The following ZC3H3 variants were observed in gnomAD, a reference collection of about 807,000 sequenced individuals.
The protein encoded by ZC3H3 is zinc finger CCCH domain-containing protein 3.
Under a neutral mutation model 77.3 loss-of-function variants are expected in ZC3H3, and 36 were observed. The ratio of observed to expected loss-of-function variants is 0.47; its 90% CI spans 0.36 to 0.61. The LOEUF (loss-of-function observed/expected upper bound fraction) is 0.61, where lower values mean the gene tolerates loss of function less well. ZC3H3 is among the 20% of genes least tolerant of loss of function. The probability of loss-of-function intolerance (pLI) is 0.00; values close to 1 mark genes in which losing one functional copy is unlikely to be tolerated. For missense variants in ZC3H3, 1,331 were observed against 1,312.2 expected (o/e 1.01, Z -0.22); for synonymous variants, 626 against 555.2 (o/e 1.13, Z -1.79).
intron 4 of ZC3H3, among the ~76,000 whole-genome samples, chr8:143,483,016 G>A (rs1261338893): frequency 6.6e-6 from 1 of 152,256 alleles, no homozygotes; most frequent in Non-Finnish European, 1.5e-5. Context: ...GTGGCAACGT[G>A]CAGTAAACAG....
intron 8 of ZC3H3, among the ~76,000 whole-genome samples, chr8:143,467,575 C>T (rs1820443924): frequency 6.6e-6 from 1 of 152,256 alleles, no homozygotes; most frequent in Non-Finnish European, 1.5e-5. Context: ...AGGCAGCCCT[C>T]ACTCCACTCG....
At chr8:143,512,339 C>A (rs1821895566) in intron 3 of ZC3H3, among the ~76,000 whole-genome samples, 1 of 152,262 alleles carries the variant, frequency 6.6e-6, no homozygotes, top group African/African-American at 2.4e-5. Context: ...TGGCACCTCA[C>A]CATCTCCACA....
intron 3 of ZC3H3, among the ~76,000 whole-genome samples, chr8:143,520,018 G>A (rs1186983066): frequency 2.0e-5 from 3 of 152,244 alleles, no homozygotes; most frequent in East Asian, 1.9e-4. Flanking sequence ...AGCACTGCTC[G>A]CCCCACCCAC....
intron 3 of ZC3H3, among the ~76,000 whole-genome samples, chr8:143,518,758 G>A (rs975526731): frequency 5.9e-5 from 9 of 152,236 alleles, no homozygotes; most frequent in African/African-American, 1.9e-4. Flanking sequence ...TGGCCCGACC[G>A]CTTGTGCTCC....
intron 4 of ZC3H3, among the ~76,000 whole-genome samples, chr8:143,485,314 T>A (rs1160262332): frequency 1.3e-5 from 2 of 152,154 alleles, no homozygotes; most frequent in East Asian, 3.8e-4. Flanking sequence ...GAGAACCCGG[T>A]CCAGTGTTTC....
chr8:143,508,132 C>G (rs1053976476), intron 3 of ZC3H3, among the ~76,000 whole-genome samples: 1 of 152,246 alleles, frequency 6.6e-6, no homozygotes, highest in Non-Finnish European at 1.5e-5. Context: ...GCACCAGCCC[C>G]GCACACCCTC....
chr8:143,518,383 C>A (rs1721541349), intron 3 of ZC3H3, among the ~76,000 whole-genome samples: 1 of 152,244 alleles, frequency 6.6e-6, no homozygotes, highest in South Asian at 2.1e-4. Flanking sequence ...GTGGCACGGC[C>A]TTCTCTCAGG....
In ZC3H3 at chr8:143,448,427, A is replaced by C. The variant is rs565536478; in HGVS notation, c.2308-7307T>G. ...ATTGGGTAAATACTCCCATTTCAAA[A>C]GGGAGAAATCAGCCAAAAGAAAGGG... On this transcript the variant is annotated intron_variant, in intron 9 of 11. Coordinates refer to ENST00000262577, the MANE Select transcript of ZC3H3 (RefSeq NM_015117.3). Among the ~76,000 whole-genome samples the C allele has an allele frequency of 2.6e-5, 4 of 152,372 alleles. No individual in the cohort carries two copies. The South Asian group carries it at 6.2e-4, about 24-fold the overall frequency.
At chr8:143,527,662 C>T (rs1264418487) in intron 3 of ZC3H3, among the ~76,000 whole-genome samples, 1 of 152,188 alleles carries the variant, frequency 6.6e-6, no homozygotes, top group Non-Finnish European at 1.5e-5. Flanking sequence ...CCAGATCTAA[C>T]TGCTCTCATG....
chr8:143,533,665 C>CA lies in ZC3H3; in HGVS notation c.1561+2591dup, dbSNP rs1822693995. ...CAGACAGGACCCTCTCCTCTCACTC[C>CA]ATGCAGCCGCCACGCTGGTCTTTTT... On this transcript the variant is annotated intron_variant, in intron 3 of 11. Transcript: ENST00000262577. This position sits in a 1 kb window ranked among gnomAD's most constrained non-coding sequence, Gnocchi z 4.0. Among the ~76,000 whole-genome samples the CA allele has an allele frequency of 6.6e-6, 1 of 151,474 alleles. No individual in the cohort carries two copies.
intron 10 of ZC3H3, 102 bp from the exon 11 acceptor site, chr8:143,440,465 C>G: frequency 6.9e-7 from 1 of 1,446,834 alleles, no homozygotes; most frequent in Non-Finnish European, 9.0e-7. Context: ...CCGTGGCCCT[C>G]CGTGGTCTCA....
In ZC3H3 at chr8:143,539,201, G is replaced by A. The variant is rs201294393; in HGVS notation, c.166C>T (p.Arg56Cys). ...SGRAFSARYP[R>C]PSRRGYSSHH... ...GAAGAGTAGCCCCTCCGGCTTGGAC[G>A]AGGGTAGCGGGCACTAAAGGCTCTG... Residue 56 changes from arginine (R) to cysteine (C), a missense_variant, in exon 2 of 12, where the codon CGT becomes TGT. Around this residue, in one of 3 missense-constraint regions of ZC3H3, gnomAD observed 978 missense variants for 915.5 expected, o/e 1.07. Coordinates refer to ENST00000262577, the MANE Select transcript of ZC3H3 (RefSeq NM_015117.3). The A allele has an allele frequency of 7.4e-5, 120 of 1,612,954 alleles. No individual in the cohort carries two copies. The highest frequency in any genetic ancestry group is 7.2e-5 in the Non-Finnish European group (85 of 1,180,026).
At chr8:143,463,875 C>T (rs1820335648) in intron 9 of ZC3H3, among the ~76,000 whole-genome samples, 2 of 152,332 alleles carry the variant, frequency 1.3e-5, no homozygotes, top group South Asian at 4.1e-4. Flanking sequence ...ACAGCCGTGG[C>T]CCCCCAAAAG....
intron 9 of ZC3H3, among the ~76,000 whole-genome samples, chr8:143,461,398 C>T (rs531861408): frequency 6.6e-6 from 1 of 152,176 alleles, no homozygotes; most frequent in South Asian, 2.1e-4. Context: ...TGCTCGCTGC[C>T]GGCAGGAGTG....
chr8:143,516,626 C>A (rs1822060511), intron 3 of ZC3H3, among the ~76,000 whole-genome samples: 1 of 151,948 alleles, frequency 6.6e-6, no homozygotes, highest in Non-Finnish European at 1.5e-5. Context: ...CTGCAGAGGA[C>A]CCCAGCCCCG....
intron 3 of ZC3H3, among the ~76,000 whole-genome samples, chr8:143,527,577 G>A (rs1321041038): frequency 6.6e-6 from 1 of 152,222 alleles, no homozygotes; most frequent in Non-Finnish European, 1.5e-5. Flanking sequence ...ATTTATGCAA[G>A]ATTCAAAGAT....
intron 9 of ZC3H3, among the ~76,000 whole-genome samples, chr8:143,457,604 G>T (rs1261153308): frequency 6.6e-6 from 1 of 152,012 alleles, no homozygotes; most frequent in South Asian, 2.1e-4. Flanking sequence ...TGGTAGCAGG[G>T]ACCTGTAGTC....
In ZC3H3 at chr8:143,440,217, G is replaced by T. The variant is rs2272754; in HGVS notation, c.2639C>A (p.Ser880Ter). The change falls in exon 11 of 12, where the codon TCA becomes TAA. Residue 880 changes from serine (S) to a stop codon, truncating the protein, a stop_gained. Coordinates refer to ENST00000262577, the MANE Select transcript of ZC3H3 (RefSeq NM_015117.3). LOFTEE classifies it high-confidence loss of function. ...GTGGTCCAAGGAAGCGGGAGGGGATGAGGAGGAGGAGGAGGAGGAGGAAGC... is the reference window on the plus strand; with the variant it reads ...GTGGTCCAAGGAAGCGGGAGGGGATTAGGAGGAGGAGGAGGAGGAGGAAGC... ...SKASSSSSSS[S>*]SPPASLDHEA... 243,916 of 1,333,214 alleles carry T rather than the reference G, an allele frequency of 0.18. 19,209 individuals are homozygous for T. Among genetic ancestry groups the T allele is most frequent in the East Asian group, 0.32 (11,988 of 37,350 alleles). 82.6% of individuals were successfully genotyped at this position (1,333,214 alleles called of 1,614,324 possible).
At chr8:143,477,021 C>T (rs531141298) in intron 4 of ZC3H3, among the ~76,000 whole-genome samples, 1 of 152,326 alleles carries the variant, frequency 6.6e-6, no homozygotes, top group African/African-American at 2.4e-5. Context: ...AAGCCACCCA[C>T]GAGGAGCCAA....
Sources: gnomAD v4.1 joint callset for allele counts (sites outside exome capture counted in the v4.1 genomes callset) on GRCh38, gnomAD v4.1.1 for gene constraint, gnomAD v4.1.1 regional missense constraint, Gnocchi (gnomAD v3.1) non-coding constraint, MANE v1.5 for transcripts, NCBI Gene and HGNC (gene_info 2026-07-23, HGNC 2026-07-21) for gene names.